Variants in VANGL2 observed in about 807,000 individuals in gnomAD.
VANGL2 encodes the protein VANGL planar cell polarity protein 2, also known as vang-like protein 2.
In VANGL2, 14 loss-of-function variants were observed where a neutral mutation model predicts 50.2. That is an observed-to-expected ratio of 0.28 (90% CI 0.18 to 0.44). VANGL2 has a LOEUF of 0.44. Ranked by LOEUF, VANGL2 falls within the 20% of genes least tolerant of loss-of-function variation. The pLI, the probability that VANGL2 is intolerant of heterozygous loss-of-function variation, is 1.00. For synonymous variants in VANGL2, 295 were observed against 297.2 expected (o/e 0.99, Z 0.08); for missense variants, 533 against 701.5 (o/e 0.76, Z 2.71).
chr1:160,408,482 G>A (rs1197061335), intron 1 of VANGL2, among the ~76,000 whole-genome samples: 10 of 152,116 alleles, frequency 6.6e-5, no homozygotes, highest in Non-Finnish European at 1.3e-4. Context: ...CCCTTCCCCT[G>A]CGGTGCACCC....
At chr1:160,407,085 G>A (rs551174650) in intron 1 of VANGL2, among the ~76,000 whole-genome samples, 20 of 152,284 alleles carry the variant, frequency 1.3e-4, no homozygotes, top group African/African-American at 4.1e-4. Flanking sequence ...TGCTGAGCCC[G>A]AAGTGTGAAT....
rs143298058 is a variant in VANGL2, at chr1:160,425,206, A to C, written c.1394A>C (p.Glu465Ala). 1,166 of 1,614,052 alleles carry C rather than the reference A, an allele frequency of 7.2e-4. No homozygotes were observed. The highest frequency in any genetic ancestry group is 9.4e-4 in the Non-Finnish European group (1,106 of 1,180,038). ...WLAKQWTLVSEEPVTNGLKDG... is the reference protein window; with the variant it reads ...WLAKQWTLVSAEPVTNGLKDG... The stretch of plus-strand genomic sequence containing the variant: ...GCCAAACAGTGGACATTGGTGAGCG[A>C]GGAGCCGGTGACCAACGGCCTCAAG... The change falls in exon 8 of 8, where the codon GAG becomes GCG. Residue 465 changes from glutamate to alanine, a missense_variant. By Grantham distance (107) the Glu-to-Ala change is moderately radical. Coordinates refer to ENST00000368061, the MANE Select transcript of VANGL2 (RefSeq NM_020335.3).
chr1:160,414,990 C>T (rs954466304), intron 1 of VANGL2, among the ~76,000 whole-genome samples: 3 of 152,192 alleles, frequency 2.0e-5, no homozygotes, highest in Non-Finnish European at 4.4e-5. Context: ...CTTGTCTTCT[C>T]CTCCCATCCC....
In VANGL2 at chr1:160,425,412, GGGGTCCTGA is replaced by G; in HGVS notation, c.*38_*46del. 6.9e-7 allele frequency: 1 copy of G among 1,447,172 alleles called. No homozygotes were observed. The highest frequency in any genetic ancestry group is 9.3e-7 in the Non-Finnish European group (1 of 1,077,598). The allele number at this position is 1,447,172 out of a possible 1,614,324, so 89.6% of individuals were successfully genotyped here. A position where few individuals can be genotyped will look rare whatever the true frequency, so the allele number is the denominator to read the frequency against. Reference sequence around the variant, plus strand: ...CAGCAGGGGGAGTGGGAAACTCTGGGGGGTCCTGAGGGGGTGGGAGGGGGCTTGGTTCTC... The same window carrying G: ...CAGCAGGGGGAGTGGGAAACTCTGGGGGGGGTGGGAGGGGGCTTGGTTCTC... On this transcript the variant is annotated 3_prime_UTR_variant, in exon 8 of 8. Coordinates refer to ENST00000368061, the MANE Select transcript of VANGL2 (RefSeq NM_020335.3).
intron 3 of VANGL2, among the ~76,000 whole-genome samples, chr1:160,418,299 C>A (rs569784501): frequency 5.5e-4 from 83 of 152,184 alleles, no homozygotes; most frequent in African/African-American, 2.0e-3. Flanking sequence ...AGTAAACATG[C>A]GGTGGGCCTG....
chr1:160,423,505 T>C (rs765826235), intron 6 of VANGL2, among the ~76,000 whole-genome samples: 1 of 152,238 alleles, frequency 6.6e-6, no homozygotes, highest in Non-Finnish European at 1.5e-5. Context: ...AATTTTCTGT[T>C]CACCTCCTTT....
At position 160,420,858 on chromosome 1, in the gene VANGL2, G is replaced by A. The variant is rs554497055; in HGVS notation, c.938-194G>A. Among the ~76,000 whole-genome samples the A allele has an allele frequency of 5.3e-5, 8 of 152,320 alleles. No individual in the cohort carries two copies. In the South Asian group the frequency reaches 8.3e-4, roughly 16 times the overall value. ...GGAGGAACAACTGCAGGACTCTTGCGCTTCCAGTGCCTTCCTTGTTGCTTT... is the reference window on the plus strand; with the variant it reads ...GGAGGAACAACTGCAGGACTCTTGCACTTCCAGTGCCTTCCTTGTTGCTTT... On this transcript the variant is annotated intron_variant, in intron 5 of 7. Coordinates refer to ENST00000368061, the MANE Select transcript of VANGL2 (RefSeq NM_020335.3).
chr1:160,426,893 C>A lies in VANGL2; in HGVS notation c.*1515C>A, dbSNP rs1473199938. ...ACTGGTTGGTACTTACCTTGCAGAG[C>A]ACATCCTGGGATAAGATCCCCAGTG... On this transcript the variant is annotated 3_prime_UTR_variant, in exon 8 of 8. Transcript: ENST00000368061. 1 of 152,340 alleles carries A rather than the reference C, an allele frequency of 6.6e-6. No homozygotes were observed. The highest frequency in any genetic ancestry group is 2.4e-5 in the African/African-American group (1 of 41,470). The allele number at this position is 152,340 out of a possible 1,614,324, so 9.4% of individuals were successfully genotyped here. A position where few individuals can be genotyped will look rare whatever the true frequency, so the allele number is the denominator to read the frequency against.
chr1:160,421,484 G>A (rs186136077), intron 6 of VANGL2, among the ~76,000 whole-genome samples: 22 of 152,124 alleles, frequency 1.4e-4, no homozygotes, highest in Non-Finnish European at 2.7e-4. Context: ...TCTCTTTCAA[G>A]CTCATTATTA....
rs372592120 is a variant in VANGL2, at chr1:160,424,141, G to A, written c.1163G>A (p.Arg388Gln). The change falls in exon 7 of 8, where the codon CGG becomes CAG. Residue 388 changes from arginine to glutamine, a missense_variant. By Grantham distance (43) the Arg-to-Gln change is conservative. Coordinates refer to ENST00000368061, the MANE Select transcript of VANGL2 (RefSeq NM_020335.3). ...AACCCCAGGGAGGTGATGGACCCCC[G>A]GGAGGCAGCCCAAGCCATCTTTGCA... Reference protein sequence around the residue: ...QKNPREVMDPREAAQAIFASM... With the variant: ...QKNPREVMDPQEAAQAIFASM... 22 of 1,614,054 alleles carry A rather than the reference G, an allele frequency of 1.4e-5. No homozygotes were observed. The highest frequency in any genetic ancestry group is 6.7e-5 in the East Asian group (3 of 44,894).
chr1:160,413,284 G>GTTT (rs11401620), intron 1 of VANGL2, among the ~76,000 whole-genome samples: 6 of 145,114 alleles, frequency 4.1e-5, no homozygotes, highest in Admixed American at 6.9e-5. Context: ...TCCATTTTAG[G>GTTT]TTTTTTTTTT....
chr1:160,410,001 G>C (rs757411485), intron 1 of VANGL2, among the ~76,000 whole-genome samples: 3 of 152,204 alleles, frequency 2.0e-5, no homozygotes, highest in Non-Finnish European at 4.4e-5. Context: ...TATGCAGGAA[G>C]ACCCAGGCTC....
In VANGL2 at chr1:160,416,202, TG is replaced by T; in HGVS notation, c.192+22del. 6.2e-7 allele frequency: 1 copy of T among 1,613,930 alleles called. No homozygotes were observed. The highest frequency in any genetic ancestry group is 8.5e-7 in the Non-Finnish European group (1 of 1,179,940). ...GAGCGGGTGAGCACTGGGGATGCGG[TG>T]GTCCAGACCGGGCATTTTCAGACTG... On this transcript the variant is annotated intron_variant, in intron 3 of 7. Coordinates refer to ENST00000368061, the MANE Select transcript of VANGL2 (RefSeq NM_020335.3).
At chr1:160,409,914 T>A (rs2101952657) in intron 1 of VANGL2, among the ~76,000 whole-genome samples, 1 of 152,280 alleles carries the variant, frequency 6.6e-6, no homozygotes, top group South Asian at 2.1e-4. Context: ...TGGTGATGAT[T>A]AGGGAGCCAG....
intron 3 of VANGL2, among the ~76,000 whole-genome samples, chr1:160,418,264 T>A (rs539065851): frequency 1.3e-5 from 2 of 152,240 alleles, no homozygotes; most frequent in South Asian, 4.1e-4. Flanking sequence ...TTCATGTGGA[T>A]CTTGTTAAAA....
intron 1 of VANGL2, among the ~76,000 whole-genome samples, chr1:160,407,485 T>A (rs953844087): frequency 6.6e-6 from 1 of 152,062 alleles, no homozygotes. Context: ...TCCCTCACAC[T>A]CCATCCTCAC....
In VANGL2 at chr1:160,419,237, C is replaced by T. The variant is rs748048733; in HGVS notation, c.428C>T (p.Thr143Met). Residue 143 changes from threonine to methionine, a missense_variant, in exon 4 of 8, where the codon ACG (threonine) becomes ATG (methionine). By Grantham distance (81) the Thr-to-Met change is moderately conservative. Transcript: ENST00000368061. The surrounding 1 kb of genome is among the most constrained non-coding windows in gnomAD (Gnocchi z 5.8). ...CGGGAGGAGCTGGAGCCTTGCGGGA[C>T]GGCCTGCGAGGGCCTCTTCATCTCT... ...LWREELEPCGTACEGLFISVA... is the reference protein window; with the variant it reads ...LWREELEPCGMACEGLFISVA... 13 of 1,609,290 alleles carry T rather than the reference C, an allele frequency of 8.1e-6. No individual in the cohort carries two copies. Among genetic ancestry groups the T allele is most frequent in the South Asian group, 3.3e-5 (3 of 91,086 alleles).
intron 1 of VANGL2, among the ~76,000 whole-genome samples, chr1:160,408,696 C>A (rs1251630756): frequency 1.3e-5 from 2 of 152,150 alleles, no homozygotes. Flanking sequence ...GGGTGGGGCA[C>A]CTGGTGCCAG....
At position 160,425,401 on chromosome 1, in the gene VANGL2, G is replaced by GCCCCCCC; in HGVS notation, c.*23_*24insCCCCCCC. The GCCCCCCC allele has an allele frequency of 6.9e-7, 1 of 1,450,432 alleles. No homozygotes were observed. Among genetic ancestry groups the GCCCCCCC allele is most frequent in the Non-Finnish European group, 9.4e-7 (1 of 1,069,004 alleles). The allele number at this position is 1,450,432 out of a possible 1,614,324, so 89.8% of individuals were successfully genotyped here. A position where few individuals can be genotyped will look rare whatever the true frequency, so the allele number is the denominator to read the frequency against. On this transcript the variant is annotated 3_prime_UTR_variant, in exon 8 of 8. Coordinates refer to ENST00000368061, the MANE Select transcript of VANGL2 (RefSeq NM_020335.3). ...TGACTGTGCAACAGCAGGGGGAGTG[G>GCCCCCCC]GAAACTCTGGGGGGTCCTGAGGGGG...
Sources: allele counts gnomAD v4.1 joint callset (sites outside exome capture counted in the v4.1 genomes callset), GRCh38; gene constraint gnomAD v4.1.1; non-coding constraint Gnocchi (gnomAD v3.1); transcripts MANE v1.5; gene names NCBI Gene and HGNC (gene_info 2026-07-23, HGNC 2026-07-21).